The following ARHGEF12 variants were observed in gnomAD, a reference collection of about 807,000 sequenced individuals.
ARHGEF12 encodes Rho guanine nucleotide exchange factor 12.
Under a neutral mutation model 211.2 loss-of-function variants are expected in ARHGEF12, and 66 were observed. The ratio of observed to expected loss-of-function variants is 0.31; its 90% CI spans 0.26 to 0.38. The LOEUF is 0.38. Among genes scored for constraint, ARHGEF12 ranks in the 10% least tolerant of loss-of-function variants. The probability of loss-of-function intolerance (pLI) is 1.00; values close to 1 mark genes in which losing one functional copy is unlikely to be tolerated. For missense variants in ARHGEF12, 1,429 were observed against 1,869.5 expected (o/e 0.76, Z 4.34); for synonymous variants, 592 against 638.4 (o/e 0.93, Z 1.09).
chr11:120,350,071 GTTTA>G (rs925302316), intron 1 of ARHGEF12, among the ~76,000 whole-genome samples: 14 of 152,220 alleles, frequency 9.2e-5, no homozygotes, highest in African/African-American at 3.1e-4. Flanking sequence ...ACATCAGTTT[GTTTA>G]TTTATTCAGT....
chr11:120,352,177 G>C (rs1469084279), intron 1 of ARHGEF12, among the ~76,000 whole-genome samples: 2 of 151,870 alleles, frequency 1.3e-5, no homozygotes, highest in African/African-American at 4.9e-5. Context: ...TTTCTGACAT[G>C]AGGGATTTTG....
intron 19 of ARHGEF12, 32 bp from the exon 20 acceptor site, chr11:120,448,202 A>T: frequency 6.7e-7 from 1 of 1,487,562 alleles, no homozygotes; most frequent in Non-Finnish European, 9.3e-7. Flanking sequence ...CCTTCTCAGA[A>T]GTCTTAATTT....
chr11:120,465,395 A>C (rs1043940340), intron 28 of ARHGEF12, 33 bp downstream of exon 28: 8 of 1,611,796 alleles, frequency 5.0e-6, no homozygotes, highest in Non-Finnish European at 5.9e-6. Context: ...GAAAAAAAAT[A>C]AGGCAAGTTT....
At chr11:120,465,168 G>A in intron 27 of ARHGEF12, 69 bp from the exon 28 acceptor site, 2 of 1,589,400 alleles carry the variant, frequency 1.3e-6, no homozygotes, top group South Asian at 2.3e-5. Context: ...CTGGTTGTCT[G>A]TCACTTTGTC....
At chr11:120,359,423 G>A (rs1264607165) in intron 1 of ARHGEF12, among the ~76,000 whole-genome samples, 2 of 151,982 alleles carry the variant, frequency 1.3e-5, no homozygotes, top group Non-Finnish European at 2.9e-5. Context: ...TTTATTTTTG[G>A]TAGAGATAGG....
chr11:120,437,227 A>T, intron 11 of ARHGEF12, 81 bp from the exon 12 acceptor site: 1 of 910,798 alleles, frequency 1.1e-6, no homozygotes. Flanking sequence ...ATTCAGAACA[A>T]TTTTTTTTTC....
chr11:120,344,236 T>TA (rs1942625557), intron 1 of ARHGEF12, among the ~76,000 whole-genome samples: 1 of 115,814 alleles, frequency 8.6e-6, no homozygotes, highest in African/African-American at 3.5e-5. Flanking sequence ...ACTGCACTCC[T>TA]ACCTGGATGA....
chr11:120,425,225 G>A (rs1238328432), intron 7 of ARHGEF12, among the ~76,000 whole-genome samples: 9 of 152,158 alleles, frequency 5.9e-5, no homozygotes, highest in African/African-American at 2.2e-4. Context: ...TGGTGATGGG[G>A]TGGGTCATCT....
chr11:120,355,527 A>G (rs1210822146), intron 1 of ARHGEF12, among the ~76,000 whole-genome samples: 2 of 152,190 alleles, frequency 1.3e-5, no homozygotes, highest in African/African-American at 4.8e-5. Flanking sequence ...TTTCCCAGCT[A>G]TAAATTTTTT....
intron 4 of ARHGEF12, among the ~76,000 whole-genome samples, chr11:120,415,157 A>G (rs1249890281): frequency 6.6e-6 from 1 of 152,218 alleles, no homozygotes; most frequent in Non-Finnish European, 1.5e-5. Context: ...AGTAAAAGTG[A>G]TGAAAGCTGG....
intron 1 of ARHGEF12, among the ~76,000 whole-genome samples, chr11:120,390,319 C>G (rs558268944): frequency 6.6e-6 from 1 of 152,310 alleles, no homozygotes; most frequent in South Asian, 2.1e-4. Flanking sequence ...CATGCTCCTC[C>G]TGCCTTCTAT....
chr11:120,362,261 GGAA>G (rs1241037061), intron 1 of ARHGEF12, among the ~76,000 whole-genome samples: 4 of 152,286 alleles, frequency 2.6e-5, no homozygotes, highest in African/African-American at 7.2e-5. Flanking sequence ...AATCAATATA[GGAA>G]GAAGAAGGAG....
At chr11:120,445,159 T>C (rs1946006079) in intron 15 of ARHGEF12, among the ~76,000 whole-genome samples, 1 of 152,212 alleles carries the variant, frequency 6.6e-6, no homozygotes, top group East Asian at 1.9e-4. Flanking sequence ...ATTCATTAAG[T>C]GTGTCACAGA....
rs779630613 is a variant in ARHGEF12, at chr11:120,347,264, CTCTGTCTGTGTGTG to C, written c.32+9991_32+10004del. Among the ~76,000 whole-genome samples the C allele has an allele frequency of 2.0e-3, 225 of 112,866 alleles. 2 individuals carry two copies. The Middle Eastern group carries it at 0.028, about 14-fold the overall frequency. 74.0% of individuals were successfully genotyped at this position (112,866 alleles called of 152,430 possible). A position where few individuals can be genotyped will look rare whatever the true frequency, so the allele number is the denominator to read the frequency against. On this transcript the variant is annotated intron_variant, in intron 1 of 40. Transcript: ENST00000397843. ...TCTCTGTTTCTCTCTCTCTCTCTCT[CTCTGTCTGTGTGTG>C]TGTGTGTGTGTGTGTGTGTGTGTGT...
intron 4 of ARHGEF12, among the ~76,000 whole-genome samples, chr11:120,417,583 C>T (rs962622379): frequency 2.0e-5 from 3 of 147,354 alleles, no homozygotes; most frequent in South Asian, 2.1e-4. Context: ...GGTGCAGTCT[C>T]GGCTCACTGC....
intron 1 of ARHGEF12, among the ~76,000 whole-genome samples, chr11:120,397,924 G>A (rs1272833285): frequency 6.6e-6 from 1 of 152,174 alleles, no homozygotes; most frequent in Non-Finnish European, 1.5e-5. Flanking sequence ...GAAAGAATGG[G>A]AATATATGCA....
chr11:120,384,789 C>T (rs1282795392), intron 1 of ARHGEF12, among the ~76,000 whole-genome samples: 1 of 152,054 alleles, frequency 6.6e-6, no homozygotes, highest in Non-Finnish European at 1.5e-5. Context: ...AAATATTTTT[C>T]CTCCCCCCAT....
intron 13 of ARHGEF12, 130 bp from the exon 14 acceptor site, chr11:120,441,577 A>C (rs1445379030): frequency 4.7e-6 from 3 of 631,992 alleles, no homozygotes; most frequent in African/African-American, 1.9e-5. Flanking sequence ...ATTTTAGTGA[A>C]GTTTTTTAAA....
At chr11:120,391,255 GT>G (rs1325725499) in intron 1 of ARHGEF12, among the ~76,000 whole-genome samples, 2 of 152,116 alleles carry the variant, frequency 1.3e-5, no homozygotes, top group Non-Finnish European at 2.9e-5. Flanking sequence ...TTATATACAA[GT>G]TCCACAGAAT....
Sources: allele counts gnomAD v4.1 joint callset (sites outside exome capture counted in the v4.1 genomes callset), GRCh38; gene constraint gnomAD v4.1.1; transcripts MANE v1.5; gene names NCBI Gene and HGNC (gene_info 2026-07-23, HGNC 2026-07-21).